The following CTNNA1 variants were observed in gnomAD, a reference collection of about 807,000 sequenced individuals.
The protein encoded by CTNNA1 is catenin alpha 1.
In CTNNA1, 37 loss-of-function variants were observed where a neutral mutation model predicts 98.4. The ratio of observed to expected loss-of-function variants is 0.38; its 90% CI spans 0.29 to 0.49. The LOEUF is 0.49. CTNNA1 is among the 20% of genes least tolerant of loss of function. CTNNA1 has a pLI of 0.95. For synonymous variants in CTNNA1, 404 were observed against 413.2 expected, an observed-to-expected ratio of 0.98 and a Z score of 0.27; for missense variants, 761 against 1,147.2, an observed-to-expected ratio of 0.66 and a Z score of 4.86.
chr5:138,759,152 A>C (rs1024126122), intron 1 of CTNNA1, among the ~76,000 whole-genome samples: 16 of 152,098 alleles, frequency 1.1e-4, no homozygotes. Flanking sequence ...AATGGGTCAT[A>C]CTTTCCTGTA....
chr5:138,873,242 A>T lies in CTNNA1; in HGVS notation c.1063-12970A>T. On this transcript the variant is annotated intron_variant, in intron 7 of 17. Coordinates refer to ENST00000302763, the MANE Select transcript of CTNNA1 (RefSeq NM_001903.5). This position sits in a 1 kb window ranked among gnomAD's most constrained non-coding sequence, Gnocchi z 6.1. Reference sequence around the variant, plus strand: ...GCAGCACTTCCTGGAGATGAACACTATAAAAATAATAAAAAAGAAAGAAAA... The same window carrying T: ...GCAGCACTTCCTGGAGATGAACACTTTAAAAATAATAAAAAAGAAAGAAAA... 6.2e-7 allele frequency: 1 copy of T among 1,613,712 alleles called. No individual in the cohort carries two copies. Among genetic ancestry groups the T allele is most frequent in the Non-Finnish European group, 8.5e-7 (1 of 1,179,680 alleles).
chr5:138,787,768 CTTTT>C (rs1348045994), intron 3 of CTNNA1, among the ~76,000 whole-genome samples: 1 of 152,156 alleles, frequency 6.6e-6, no homozygotes, highest in Non-Finnish European at 1.5e-5. Context: ...GTGTAACTTT[CTTTT>C]TGTGTTAGAC....
chr5:138,801,620 C>T (rs189674990), intron 3 of CTNNA1, among the ~76,000 whole-genome samples: 6 of 152,346 alleles, frequency 3.9e-5, no homozygotes, highest in East Asian at 1.9e-4. Flanking sequence ...CATGACCAGT[C>T]ATGTCACTTC....
chr5:138,852,981 C>T (rs547110114), intron 7 of CTNNA1, among the ~76,000 whole-genome samples: 1 of 152,252 alleles, frequency 6.6e-6, no homozygotes, highest in African/African-American at 2.4e-5. Context: ...GAAATCCTTG[C>T]AAGCCTTCTG....
chr5:138,760,342 A>G (rs528359275), intron 1 of CTNNA1, among the ~76,000 whole-genome samples: 37 of 147,050 alleles, frequency 2.5e-4, no homozygotes, highest in South Asian at 1.7e-3. Context: ...TATTGTATGT[A>G]TATGCCATAT....
At chr5:138,811,180 G>T (rs1758712440) in intron 4 of CTNNA1, among the ~76,000 whole-genome samples, 1 of 150,776 alleles carries the variant, frequency 6.6e-6, no homozygotes, top group South Asian at 2.1e-4. Context: ...GCCAGGCGGA[G>T]GGTCTCCTCA....
At chr5:138,903,341 A>G (rs1249216417) in intron 9 of CTNNA1, among the ~76,000 whole-genome samples, 1 of 152,146 alleles carries the variant, frequency 6.6e-6, no homozygotes, top group East Asian at 1.9e-4. Flanking sequence ...GGTTATTGCC[A>G]TTGCCCTTGT....
chr5:138,773,001 A>G (rs1261847505), intron 1 of CTNNA1, among the ~76,000 whole-genome samples: 1 of 152,222 alleles, frequency 6.6e-6, no homozygotes, highest in Non-Finnish European at 1.5e-5. Flanking sequence ...AGGATCCAGA[A>G]AGGTGAAGTG....
intron 1 of CTNNA1, among the ~76,000 whole-genome samples, chr5:138,770,130 C>T (rs1052376287): frequency 1.2e-4 from 19 of 152,158 alleles, no homozygotes; most frequent in African/African-American, 3.4e-4. Context: ...CCATCGTGCC[C>T]GGTGATACTT....
chr5:138,887,003 G>A (rs534667187), intron 8 of CTNNA1, among the ~76,000 whole-genome samples: 2 of 152,196 alleles, frequency 1.3e-5, no homozygotes, highest in Non-Finnish European at 2.9e-5. Context: ...TCCTTTTGGT[G>A]AAGCAGTATC....
chr5:138,812,163 G>T lies in CTNNA1; in HGVS notation c.469-20G>T. ...CTACATTCAGAATTTTTGGGTTTTGGGGTCTTTCTTATTTTATAGGTGGAA... is the reference window on the plus strand; with the variant it reads ...CTACATTCAGAATTTTTGGGTTTTGTGGTCTTTCTTATTTTATAGGTGGAA... On this transcript the variant is annotated intron_variant, in intron 4 of 17. Coordinates refer to ENST00000302763, the MANE Select transcript of CTNNA1 (RefSeq NM_001903.5). 2 of 1,606,404 alleles carry T rather than the reference G, an allele frequency of 1.2e-6. No individual in the cohort carries two copies. The highest frequency in any genetic ancestry group is 1.3e-5 in the African/African-American group (1 of 74,470).
intron 10 of CTNNA1, among the ~76,000 whole-genome samples, chr5:138,906,877 G>C (rs1044949176): frequency 6.6e-6 from 1 of 152,196 alleles, no homozygotes; most frequent in Non-Finnish European, 1.5e-5. Flanking sequence ...GGCAGGTTCA[G>C]TAATGGCAAA....
chr5:138,894,252 CATA>C (rs1027832109), intron 9 of CTNNA1, among the ~76,000 whole-genome samples: 3 of 149,890 alleles, frequency 2.0e-5, no homozygotes, highest in Admixed American at 6.6e-5. Flanking sequence ...TAAGATTAGG[CATA>C]ATATAGAGCC....
chr5:138,835,020 C>T (rs1316293433), intron 7 of CTNNA1, among the ~76,000 whole-genome samples: 1 of 151,910 alleles, frequency 6.6e-6, no homozygotes, highest in Admixed American at 6.6e-5. Context: ...AGAGTACCTT[C>T]TTAAGGGCAG....
At chr5:138,886,657 C>G (rs774415520) in intron 8 of CTNNA1, among the ~76,000 whole-genome samples, 2 of 152,114 alleles carry the variant, frequency 1.3e-5, no homozygotes, top group Non-Finnish European at 2.9e-5. Context: ...CTGACTTGCC[C>G]TATACTCATT....
chr5:138,908,469 A>G (rs1308015713), intron 10 of CTNNA1, among the ~76,000 whole-genome samples: 1 of 152,132 alleles, frequency 6.6e-6, no homozygotes, highest in Non-Finnish European at 1.5e-5. Flanking sequence ...GTATTTCAAG[A>G]CCAGCCTGGG....
intron 7 of CTNNA1, among the ~76,000 whole-genome samples, chr5:138,865,658 G>T (rs1764684285): frequency 6.6e-6 from 1 of 151,996 alleles, no homozygotes; most frequent in African/African-American, 2.4e-5. Context: ...ACCCCTTTTT[G>T]TAATTTATCA....
chr5:138,928,051 T>A (rs1327253438), intron 13 of CTNNA1, among the ~76,000 whole-genome samples: 2 of 152,156 alleles, frequency 1.3e-5, no homozygotes, highest in Admixed American at 1.3e-4. Context: ...TCTTGGTGGT[T>A]CCAGAATGTT....
chr5:138,773,477 GAAGT>G (rs1372860367), intron 1 of CTNNA1, among the ~76,000 whole-genome samples: 13 of 152,196 alleles, frequency 8.5e-5, no homozygotes, highest in Admixed American at 8.5e-4. Flanking sequence ...AACAGGGCAA[GAAGT>G]AAGTGATCAA....
Sources: gnomAD v4.1 joint callset for allele counts (sites outside exome capture counted in the v4.1 genomes callset) on GRCh38, gnomAD v4.1.1 for gene constraint, Gnocchi (gnomAD v3.1) non-coding constraint, MANE v1.5 for transcripts, NCBI Gene and HGNC (gene_info 2026-07-23, HGNC 2026-07-21) for gene names.